The following TMEM92 variants were observed in gnomAD, a reference collection of about 807,000 sequenced individuals.
TMEM92 encodes transmembrane protein 92.
A neutral mutation model predicts 14.6 loss-of-function variants in TMEM92; 15 were observed. The observed-to-expected ratio is 1.03, with a 90% CI of 0.69 to 1.58. The LOEUF is 1.58. TMEM92 is among the 40% of genes most tolerant of loss of function. The probability of loss-of-function intolerance (pLI) is 0.00; values close to 1 mark genes in which losing one functional copy is unlikely to be tolerated. For synonymous variants in TMEM92, 85 were observed against 83.3 expected (o/e 1.02, Z -0.11); for missense variants, 174 against 202.4 (o/e 0.86, Z 0.85).
Position 50,278,592 on chromosome 17 carries a change from C to T in TMEM92, c.132C>T (p.Ser44=). ...AAGGATTCAAATGCTGTGGTGACAG[C>T]TGCTGCCAGGAGAACGAGCTCTTCC... ...CPKGFKCCGD[S]CCQENELFPG... is the part of the protein sequence containing the mutation. Residue 44 remains serine, a synonymous_variant, in exon 3 of 5, where the codon AGC becomes AGT. Transcript: ENST00000507382. 1 of 1,614,022 alleles carries T rather than the reference C, an allele frequency of 6.2e-7. No homozygotes were observed. The highest frequency in any genetic ancestry group is 1.7e-5 in the Admixed American group (1 of 60,008).
In TMEM92 at chr17:50,274,573, G is replaced by T; in HGVS notation, c.69+3G>T. 2 of 1,613,146 alleles carry T rather than the reference G, an allele frequency of 1.2e-6. No individual in the cohort carries two copies. The highest frequency in any genetic ancestry group is 1.7e-6 in the Non-Finnish European group (2 of 1,179,560). Reference sequence around the variant, plus strand: ...GCCTGCTGGCTGGCCCCCAAAAGGTGAGACTGGGAGGTAAGGTTGTTGAAC... The same window carrying T: ...GCCTGCTGGCTGGCCCCCAAAAGGTTAGACTGGGAGGTAAGGTTGTTGAAC... On this transcript the variant is annotated splice_donor_region_variant and intron_variant, in intron 1 of 4. Coordinates refer to ENST00000507382, the MANE Select transcript of TMEM92 (RefSeq NM_153229.3).
chr17:50,277,877 C>G (rs1004581031), intron 2 of TMEM92, 137 bp downstream of exon 2: 3 of 1,131,720 alleles, frequency 2.7e-6, no homozygotes, highest in Admixed American at 2.1e-5. Context: ...AACTGTCCCC[C>G]CACTTTCCCA....
At chr17:50,274,146 A>G (rs1910339064), upstream of TMEM92, among the ~76,000 whole-genome samples, 1 of 130,916 alleles carries the variant, frequency 7.6e-6, no homozygotes, top group Non-Finnish European at 1.6e-5. Flanking sequence ...GCCCGGCTAA[A>G]TTTTGTATTT....
At chr17:50,279,139 G>C (rs1567788776) in intron 4 of TMEM92, 56 bp from the exon 5 acceptor site, 1 of 1,559,132 alleles carries the variant, frequency 6.4e-7, no homozygotes, top group African/African-American at 1.4e-5. Context: ...GCTGGGATGG[G>C]GGAGTGGTGG....
chr17:50,278,883 G>A lies in TMEM92; in HGVS notation c.253G>A (p.Glu85Lys). 1 of 1,613,876 alleles carries A rather than the reference G, an allele frequency of 6.2e-7. No homozygotes were observed. The highest frequency in any genetic ancestry group is 1.3e-5 in the African/African-American group (1 of 74,964). ...LAKCFCRNCR[E>K]PEPDSPVDCR... ...TAAGTGCTTCTGTCGCAACTGCAGA[G>A]AGCCGGAGCCAGACAGCCCAGTGGA... The change falls in exon 4 of 5, where the codon GAG (glutamate) becomes AAG (lysine). Residue 85 changes from glutamate (E) to lysine (K), a missense_variant. By Grantham distance (56) the Glu-to-Lys change is moderately conservative. Coordinates refer to ENST00000507382, the MANE Select transcript of TMEM92 (RefSeq NM_153229.3).
rs1910601097 is a variant in TMEM92 at position 50,280,990 on chromosome 17, CA to C, written c.*1683del. On this transcript the variant is annotated 3_prime_UTR_variant, in exon 5 of 5. Transcript: ENST00000507382. ...GAAGTCCTGCAGCTGATGTTGCCCT[CA>C]CCGTGATAGCAGGAGGATGTTGAGA... 6.6e-6 allele frequency: 1 copy of C among 152,262 alleles called. No individual in the cohort carries two copies. Among genetic ancestry groups the C allele is most frequent in the Non-Finnish European group, 1.5e-5 (1 of 68,060 alleles). The allele number at this position is 152,262 out of a possible 1,614,324, so 9.4% of individuals were successfully genotyped here. A position where few individuals can be genotyped will look rare whatever the true frequency, so the allele number is the denominator to read the frequency against.
At chr17:50,274,432 T>G, upstream of TMEM92, 1 of 1,553,574 alleles carries the variant, frequency 6.4e-7, no homozygotes, top group Non-Finnish European at 8.8e-7. Flanking sequence ...GCCCCATAGG[T>G]GGAGAGAAGT....
At chr17:50,273,325 A>G (rs2143034150), upstream of TMEM92, among the ~76,000 whole-genome samples, 3 of 152,208 alleles carry the variant, frequency 2.0e-5, no homozygotes, top group South Asian at 6.2e-4. Flanking sequence ...CGACGCTGCC[A>G]CCTGCCGGCC....
chr17:50,276,218 G>A (rs1242320035), intron 1 of TMEM92, among the ~76,000 whole-genome samples: 1 of 152,184 alleles, frequency 6.6e-6, no homozygotes, highest in Non-Finnish European at 1.5e-5. Context: ...CCGGCCTCAA[G>A]CAATCCACCC....
chr17:50,279,404 C>A lies in TMEM92; in HGVS notation c.*96C>A. 1.0e-6 allele frequency: 1 copy of A among 959,338 alleles called. No homozygotes were observed. Among genetic ancestry groups the A allele is most frequent in the South Asian group, 1.4e-5 (1 of 73,670 alleles). The allele number at this position is 959,338 out of a possible 1,614,324, so 59.4% of individuals were successfully genotyped here. On this transcript the variant is annotated 3_prime_UTR_variant, in exon 5 of 5. Transcript: ENST00000507382. ...GCTGGCACCCCAGGAATGTCCCTGC[C>A]CATCCTGCCGTGTCTCTGTTCATTC...
upstream of TMEM92, among the ~76,000 whole-genome samples, chr17:50,273,434 C>T (rs1267663489): frequency 6.6e-6 from 1 of 152,232 alleles, no homozygotes; most frequent in Non-Finnish European, 1.5e-5. Context: ...GGGGTCTTTC[C>T]AGGAATCTGG....
Position 50,279,189 on chromosome 17 carries a change from C to G in TMEM92, c.367-6C>G. 1 of 1,613,202 alleles carries G rather than the reference C, an allele frequency of 6.2e-7. No individual in the cohort carries two copies. Among genetic ancestry groups the G allele is most frequent in the Non-Finnish European group, 8.5e-7 (1 of 1,179,152 alleles). ...CAGAAGACTGAATTCTCTCTTTTCC[C>G]TGCAGGTGATTCTGAAGCCCAGCCT... On this transcript the variant is annotated splice_region_variant and splice_polypyrimidine_tract_variant and intron_variant, in intron 4 of 4. Coordinates refer to ENST00000507382, the MANE Select transcript of TMEM92 (RefSeq NM_153229.3).
Position 50,278,901 on chromosome 17 carries a change from C to G in TMEM92, c.271C>G (p.Pro91Ala). 6.2e-7 allele frequency: 1 copy of G among 1,613,806 alleles called. No homozygotes were observed. The highest frequency in any genetic ancestry group is 8.5e-7 in the Non-Finnish European group (1 of 1,179,868). The change falls in exon 4 of 5, where the codon CCA becomes GCA. Residue 91 changes from proline to alanine, a missense_variant. Pro to Ala is a conservative substitution (Grantham distance 27). Coordinates refer to ENST00000507382, the MANE Select transcript of TMEM92 (RefSeq NM_153229.3). ...CTGCAGAGAGCCGGAGCCAGACAGC[C>G]CAGTGGATTGCCGGGGGCCCCTGGA... ...RNCREPEPDS[P>A]VDCRGPLELP... is the part of the protein sequence containing the mutation.
intron 2 of TMEM92, 22 bp from the exon 3 acceptor site, chr17:50,278,534 C>T: frequency 6.2e-7 from 1 of 1,613,148 alleles, no homozygotes; most frequent in Non-Finnish European, 8.5e-7. Context: ...TCTCCTTGCC[C>T]TTTTCTGTGC....
intron 2 of TMEM92, among the ~76,000 whole-genome samples, chr17:50,278,176 C>T (rs1001713457): frequency 2.0e-5 from 3 of 152,304 alleles, no homozygotes; most frequent in Middle Eastern, 3.4e-3. Flanking sequence ...ACTCCATGGG[C>T]GCCAGCGAGA....
In TMEM92 at chr17:50,279,290, TGAC is replaced by T; in HGVS notation, c.463_465del (p.Asp155del). The T allele has an allele frequency of 1.2e-6, 2 of 1,613,874 alleles. No homozygotes were observed. Among genetic ancestry groups the T allele is most frequent in the South Asian group, 2.2e-5 (2 of 91,066 alleles). On this transcript the variant is annotated inframe_deletion, in exon 5 of 5. Transcript: ENST00000507382. ...AATATACCGGGGATCAGAGGGGCAT[TGAC>T]AACCCGGCCTTCTGAGTCACCTCCT... is the stretch of plus-strand genomic sequence containing the variant.
upstream of TMEM92, among the ~76,000 whole-genome samples, chr17:50,273,281 G>A (rs1459848902): frequency 6.6e-6 from 1 of 152,046 alleles, no homozygotes; most frequent in Non-Finnish European, 1.5e-5. Context: ...CCCCGGCCGC[G>A]CCCCTCCCGG....
In TMEM92 at chr17:50,278,948, A is replaced by G; in HGVS notation, c.318A>G (p.Pro106=). The G allele has an allele frequency of 6.2e-7, 1 of 1,612,960 alleles. No homozygotes were observed. The highest frequency in any genetic ancestry group is 8.5e-7 in the Non-Finnish European group (1 of 1,179,472). The change falls in exon 4 of 5, where the codon CCA becomes CCG. Residue 106 remains proline, a synonymous_variant. Transcript: ENST00000507382. ...TGGAACTGCCCTCCATCATCCCCCCAGAGAGGGTCAGAGTATCCCTTTCTG... is the reference window on the plus strand; with the variant it reads ...TGGAACTGCCCTCCATCATCCCCCCGGAGAGGGTCAGAGTATCCCTTTCTG... ...GPLELPSIIP[P]ERVRVSLSAP...
rs77500254 is a variant in TMEM92 at position 50,276,844 on chromosome 17, A to G, written c.70-871A>G. 3.2e-4 allele frequency among the ~76,000 whole-genome samples: 49 copies of G among 152,360 alleles called. 2 individuals carry two copies. In the East Asian group the frequency reaches 8.7e-3, roughly 27 times the overall value. On this transcript the variant is annotated intron_variant, in intron 1 of 4. Coordinates refer to ENST00000507382, the MANE Select transcript of TMEM92 (RefSeq NM_153229.3). ...ACAATTAACAAGATAAAGTAAATAT[A>G]TAGTATGTTAGATGTTGACAAGAGG... is the stretch of plus-strand genomic sequence containing the variant.
Sources: gnomAD v4.1 joint callset for allele counts (sites outside exome capture counted in the v4.1 genomes callset) on GRCh38, gnomAD v4.1.1 for gene constraint, MANE v1.5 for transcripts, NCBI Gene and HGNC (gene_info 2026-07-23, HGNC 2026-07-21) for gene names.